RIMOC1: variants seen among roughly 807,000 people sequenced by gnomAD.
The protein encoded by RIMOC1 is RAB7A interacting MON1-CCZ1 complex subunit 1.
the RIMOC1 span, among the ~76,000 whole-genome samples, chr5:41,909,358 A>G: frequency 1.3e-5 from 2 of 152,164 alleles, no homozygotes; most frequent in African/African-American, 4.8e-5. Context: ...TGAAGGTTCA[A>G]AACTGGAAGT....
chr5:41,904,561 T>G, the RIMOC1 span: 2 of 1,206,680 alleles, frequency 1.7e-6, no homozygotes, highest in Non-Finnish European at 2.4e-6. Flanking sequence ...AGGCCTGTGT[T>G]CCTTTGGGTC....
chr5:41,917,371 G>A, the RIMOC1 span: 2 of 1,482,568 alleles, frequency 1.3e-6, no homozygotes, highest in Non-Finnish European at 1.8e-6. Context: ...TTCCAAAAAA[G>A]AAGACCTGTT....
chr5:41,919,336 C>T, the RIMOC1 span: 1 of 152,140 alleles, frequency 6.6e-6, no homozygotes, highest in Non-Finnish European at 1.5e-5. Flanking sequence ...CCTGTGTAAT[C>T]ATGTTCTAGT....
At chr5:41,921,181 T>C in the RIMOC1 span, 1 of 152,614 alleles carries the variant, frequency 6.6e-6, no homozygotes, top group East Asian at 1.9e-4. Context: ...ACAATAACTT[T>C]ACATTCCTAG....
the RIMOC1 span, chr5:41,911,405 T>G: frequency 3.4e-6 from 1 of 298,172 alleles, no homozygotes; most frequent in Non-Finnish European, 6.1e-6. Context: ...TTTAAGGATT[T>G]GTATTGTTTT....
At chr5:41,918,798 G>A in the RIMOC1 span, 26 of 970,322 alleles carry the variant, frequency 2.7e-5, no homozygotes, top group Admixed American at 9.2e-4. Context: ...AGAAAATTGA[G>A]ACTATGAAGA....
chr5:41,911,956 G>A, the RIMOC1 span: 2 of 708,712 alleles, frequency 2.8e-6, no homozygotes, highest in South Asian at 3.1e-5. Flanking sequence ...TGTAAGCTAT[G>A]CCTATATATT....
the RIMOC1 span, chr5:41,912,280 G>T: frequency 1.4e-6 from 1 of 721,804 alleles, no homozygotes; most frequent in African/African-American, 1.8e-5. Context: ...TAAATGTCAA[G>T]GTAGATTATA....
the RIMOC1 span, chr5:41,907,922 A>G: frequency 4.5e-3 from 3,673 of 817,248 alleles, 151 homozygotes; most frequent in South Asian, 0.058. Flanking sequence ...TTTAGGTAAA[A>G]TGAAATCAGT....
chr5:41,916,058 A>ACC, the RIMOC1 span, among the ~76,000 whole-genome samples: 1 of 152,344 alleles, frequency 6.6e-6, no homozygotes, highest in South Asian at 2.1e-4. Flanking sequence ...AGACATTGTG[A>ACC]TGCTCATTTA....
the RIMOC1 span, chr5:41,904,510 C>G: frequency 6.3e-7 from 1 of 1,575,754 alleles, no homozygotes; most frequent in East Asian, 2.3e-5. Flanking sequence ...GCAGACGGCG[C>G]TAAGGTACTG....
chr5:41,916,310 A>T, the RIMOC1 span: 1 of 703,840 alleles, frequency 1.4e-6, no homozygotes, highest in African/African-American at 1.9e-5. Flanking sequence ...TTCTAGGTTT[A>T]TTTGTCTTTC....
At chr5:41,921,521 G>T in the RIMOC1 span, 1 of 151,274 alleles carries the variant, frequency 6.6e-6, no homozygotes, top group Admixed American at 6.6e-5. Flanking sequence ...CACAATTAAA[G>T]TATGTATTAT....
chr5:41,917,128 T>C, the RIMOC1 span: 2 of 1,613,810 alleles, frequency 1.2e-6, no homozygotes, highest in Non-Finnish European at 8.5e-7. Context: ...TGGATACTAG[T>C]GTGTCTGGAG....
the RIMOC1 span, chr5:41,921,434 T>C: frequency 7.0e-6 from 1 of 143,384 alleles, no homozygotes; most frequent in South Asian, 2.2e-4. Context: ...CCCTATGTTC[T>C]TTTTTTTTTT....
the RIMOC1 span, among the ~76,000 whole-genome samples, chr5:41,908,722 T>C: frequency 2.0e-5 from 3 of 152,184 alleles, no homozygotes; most frequent in African/African-American, 4.8e-5. Flanking sequence ...ATGTGTTTTA[T>C]GTCATCTCAT....
chr5:41,917,123 A>ACTAGT, the RIMOC1 span: 5 of 1,613,912 alleles, frequency 3.1e-6, no homozygotes, highest in Non-Finnish European at 4.2e-6. Context: ...TGAAGTGGAT[A>ACTAGT]CTAGTGTGTC....
the RIMOC1 span, chr5:41,918,171 T>C: frequency 1.0e-6 from 1 of 985,718 alleles, no homozygotes; most frequent in Non-Finnish European, 1.2e-6. Flanking sequence ...ATCTTTCTGA[T>C]ACCTTGCTGA....
At chr5:41,905,413 G>A in the RIMOC1 span, among the ~76,000 whole-genome samples, 1 of 152,184 alleles carries the variant, frequency 6.6e-6, no homozygotes, top group African/African-American at 2.4e-5. Context: ...TGGGACAACA[G>A]GCGCACACCA....
Sources: gnomAD v4.1 joint callset for allele counts (sites outside exome capture counted in the v4.1 genomes callset) on GRCh38, gnomAD v4.1.1 for gene constraint, MANE v1.5 for transcripts, NCBI Gene and HGNC (gene_info 2026-07-23, HGNC 2026-07-21) for gene names.